The following RABGAP1L variants were observed in gnomAD, a reference collection of about 807,000 sequenced individuals.
The protein encoded by RABGAP1L is RAB GTPase activating protein 1 like, also known as rab GTPase-activating protein 1-like.
RABGAP1L carries 63 observed loss-of-function variants against 137.7 expected under a neutral mutation model. The ratio of observed to expected loss-of-function variants is 0.46; its 90% CI spans 0.37 to 0.56. The LOEUF is 0.56. Among genes scored for constraint, RABGAP1L ranks in the 20% least tolerant of loss-of-function variants. The probability of loss-of-function intolerance (pLI) is 0.00; values close to 1 mark genes in which losing one functional copy is unlikely to be tolerated. For synonymous variants in RABGAP1L, 431 were observed against 433.7 expected, an observed-to-expected ratio of 0.99 and a Z score of 0.08; for missense variants, 1,095 against 1,244.0, an observed-to-expected ratio of 0.88 and a Z score of 1.80.
intron 13 of RABGAP1L, among the ~76,000 whole-genome samples, chr1:174,440,954 G>A (rs1654061718): frequency 6.6e-6 from 1 of 152,000 alleles, no homozygotes; most frequent in Non-Finnish European, 1.5e-5. Flanking sequence ...ATGGCTAATG[G>A]TCCTTTCTGG....
At chr1:174,648,501 T>A (rs1411137580) in intron 14 of RABGAP1L, among the ~76,000 whole-genome samples, 1 of 152,210 alleles carries the variant, frequency 6.6e-6, no homozygotes, top group Non-Finnish European at 1.5e-5. Context: ...AGTTTCCATG[T>A]AGTTGTGCAA....
intron 14 of RABGAP1L, among the ~76,000 whole-genome samples, chr1:174,651,564 G>A (rs983289621): frequency 2.0e-5 from 3 of 152,118 alleles, no homozygotes; most frequent in Non-Finnish European, 4.4e-5. Context: ...TCTTCCTGTT[G>A]AATTGATCCC....
chr1:174,680,894 A>C (rs996291732), intron 14 of RABGAP1L, among the ~76,000 whole-genome samples: 3 of 152,130 alleles, frequency 2.0e-5, no homozygotes, highest in South Asian at 2.1e-4. Flanking sequence ...CTCCAAAAAA[A>C]ACAAAAAACA....
At position 174,176,741 on chromosome 1, in the gene RABGAP1L, A is replaced by AAAAAATAAAAT. The variant is rs755688394; in HGVS notation, c.-34+17089_-34+17090insTAAAATAAAAA. On this transcript the variant is annotated intron_variant, in intron 1 of 25. Transcript: ENST00000681986. ...AAAAAAAAAAAAAAAAAAAAAAAAA[A>AAAAAATAAAAT]AAAAAGGTCAACATTTGTTAATACT... Among the ~76,000 whole-genome samples, 120 of 111,782 alleles carry AAAAAATAAAAT rather than the reference A, an allele frequency of 1.1e-3. 7 individuals are homozygous for AAAAAATAAAAT. The highest frequency in any genetic ancestry group is 3.7e-3 in the African/African-American group (105 of 28,014). 73.3% of individuals were successfully genotyped at this position (111,782 alleles called of 152,430 possible). A position where few individuals can be genotyped will look rare whatever the true frequency, so the allele number is the denominator to read the frequency against.
At chr1:174,287,508 GAGA>G (rs1676166930) in intron 10 of RABGAP1L, among the ~76,000 whole-genome samples, 1 of 151,930 alleles carries the variant, frequency 6.6e-6, no homozygotes, top group Non-Finnish European at 1.5e-5. Context: ...TTTTTGTTTT[GAGA>G]AGGAGTCTTA....
chr1:174,627,402 A>C (rs1313096245), intron 13 of RABGAP1L, among the ~76,000 whole-genome samples: 1 of 152,238 alleles, frequency 6.6e-6, no homozygotes, highest in Admixed American at 6.5e-5. Flanking sequence ...TGAGCAAGTA[A>C]GTGATGATTC....
At chr1:174,887,909 C>T (rs1190809297) in intron 19 of RABGAP1L, among the ~76,000 whole-genome samples, 11 of 151,924 alleles carry the variant, frequency 7.2e-5, no homozygotes, top group African/African-American at 1.9e-4. Context: ...TGGTGGCATG[C>T]GCCTGTAATT....
At chr1:174,885,442 C>T (rs1459709411) in intron 19 of RABGAP1L, among the ~76,000 whole-genome samples, 1 of 152,140 alleles carries the variant, frequency 6.6e-6, no homozygotes, top group Non-Finnish European at 1.5e-5. Context: ...ACTGCTGCCT[C>T]AACCTCCTAG....
Position 174,672,788 on chromosome 1 carries a change from T to A in RABGAP1L, c.1825-10734T>A, listed in dbSNP as rs1405394442. Among the ~76,000 whole-genome samples the A allele has an allele frequency of 3.3e-5, 5 of 152,146 alleles. No individual in the cohort carries two copies. The East Asian group carries it at 9.6e-4, about 29-fold the overall frequency. On this transcript the variant is annotated intron_variant, in intron 14 of 25. Coordinates refer to ENST00000681986, the MANE Select transcript of RABGAP1L (RefSeq NM_001366446.1). Reference sequence around the variant, plus strand: ...TTTAAACGTTCCTCCTGTTACTGATTTCTAGTTTTATACTACGGTTGGAGA... The same window carrying A: ...TTTAAACGTTCCTCCTGTTACTGATATCTAGTTTTATACTACGGTTGGAGA...
At chr1:174,902,698 G>A (rs1658345515) in intron 19 of RABGAP1L, among the ~76,000 whole-genome samples, 1 of 152,172 alleles carries the variant, frequency 6.6e-6, no homozygotes, top group Non-Finnish European at 1.5e-5. Flanking sequence ...TCCCAGGTGG[G>A]GTTGCACAAT....
intron 13 of RABGAP1L, among the ~76,000 whole-genome samples, chr1:174,543,841 C>T (rs1665727137): frequency 6.6e-6 from 1 of 152,252 alleles, no homozygotes; most frequent in South Asian, 2.1e-4. Context: ...TTTTATTTCT[C>T]CTTCACTTAT....
intron 13 of RABGAP1L, among the ~76,000 whole-genome samples, chr1:174,525,776 T>A (rs12084948): frequency 0.35 from 53,676 of 152,026 alleles, 12,123 homozygotes; most frequent in African/African-American, 0.64. Flanking sequence ...GGTTTGTCAT[T>A]TATGGTCTTT....
chr1:174,539,155 T>G (rs1053158660), intron 13 of RABGAP1L, among the ~76,000 whole-genome samples: 5 of 152,144 alleles, frequency 3.3e-5, no homozygotes, highest in Non-Finnish European at 7.4e-5. Context: ...TACATATTTA[T>G]TATTTTTATT....
intron 17 of RABGAP1L, among the ~76,000 whole-genome samples, chr1:174,710,030 A>G (rs1680361094): frequency 6.6e-6 from 1 of 152,230 alleles, no homozygotes; most frequent in Non-Finnish European, 1.5e-5. Flanking sequence ...ACAAGTATCA[A>G]TAGCCAAATT....
chr1:174,557,863 A>C (rs899638981), intron 13 of RABGAP1L, among the ~76,000 whole-genome samples: 1 of 152,262 alleles, frequency 6.6e-6, no homozygotes, highest in Non-Finnish European at 1.5e-5. Context: ...TGATGCGGCC[A>C]TGGAAAGCAC....
intron 18 of RABGAP1L, among the ~76,000 whole-genome samples, chr1:174,752,924 A>G (rs1037122796): frequency 4.6e-5 from 7 of 152,194 alleles, no homozygotes; most frequent in Non-Finnish European, 7.4e-5. Flanking sequence ...CATTTGCTGC[A>G]GAGTTGATGA....
At chr1:174,490,647 G>A (rs1243086544) in intron 13 of RABGAP1L, among the ~76,000 whole-genome samples, 1 of 152,146 alleles carries the variant, frequency 6.6e-6, no homozygotes, top group African/African-American at 2.4e-5. Flanking sequence ...AAAGTCTTGT[G>A]TTTTTCCTTT....
chr1:174,539,686 C>G (rs1026558799), intron 13 of RABGAP1L, among the ~76,000 whole-genome samples: 1 of 152,218 alleles, frequency 6.6e-6, no homozygotes, highest in Non-Finnish European at 1.5e-5. Context: ...TTAATCCAGT[C>G]TATCATTGAT....
chr1:174,383,353 G>T (rs1571534218), intron 12 of RABGAP1L, among the ~76,000 whole-genome samples: 1 of 151,670 alleles, frequency 6.6e-6, no homozygotes, highest in South Asian at 2.1e-4. Flanking sequence ...GTTTACCTAA[G>T]CAAGCCTGGG....
Sources: allele counts gnomAD v4.1 joint callset (sites outside exome capture counted in the v4.1 genomes callset), GRCh38; gene constraint gnomAD v4.1.1; transcripts MANE v1.5; gene names NCBI Gene and HGNC (gene_info 2026-07-23, HGNC 2026-07-21).